DAGLA: variants seen among roughly 807,000 people sequenced by gnomAD.
The protein encoded by DAGLA is diacylglycerol lipase alpha, also known as diacylglycerol lipase-alpha.
A neutral mutation model predicts 102.6 loss-of-function variants in DAGLA; 22 were observed. The observed-to-expected ratio is 0.21, with a 90% CI of 0.15 to 0.31. DAGLA has a LOEUF of 0.31. Among genes scored for constraint, DAGLA ranks in the 10% least tolerant of loss-of-function variants. DAGLA has a pLI of 1.00. For missense variants in DAGLA, 927 were observed against 1,446.6 expected, an observed-to-expected ratio of 0.64 and a Z score of 5.83; for synonymous variants, 578 against 628.9, an observed-to-expected ratio of 0.92 and a Z score of 1.21.
intron 3 of DAGLA, among the ~76,000 whole-genome samples, chr11:61,721,395 A>G (rs769214629): frequency 1.3e-5 from 2 of 152,062 alleles, no homozygotes; most frequent in South Asian, 4.1e-4. Flanking sequence ...CTCCATCTCA[A>G]AAAAAAAGAA....
At chr11:61,717,552 T>C (rs1057200753) in intron 1 of DAGLA, among the ~76,000 whole-genome samples, 1 of 152,182 alleles carries the variant, frequency 6.6e-6, no homozygotes, top group African/African-American at 2.4e-5. Flanking sequence ...GTAGGGATAA[T>C]CGACATTTTA....
At chr11:61,738,393 CCT>C (rs1440793274) in intron 16 of DAGLA, among the ~76,000 whole-genome samples, 186 bp downstream of exon 16, 4 of 152,202 alleles carry the variant, frequency 2.6e-5, no homozygotes, top group Non-Finnish European at 4.4e-5. Flanking sequence ...CCATCCATCC[CCT>C]GTCATTGTGC....
At chr11:61,689,410 G>A (rs2065007937) in intron 1 of DAGLA, among the ~76,000 whole-genome samples, 2 of 152,122 alleles carry the variant, frequency 1.3e-5, no homozygotes, top group African/African-American at 4.8e-5. Context: ...CATAGCACAG[G>A]CCTTCAGACA....
At chr11:61,731,464 C>T (rs966559453) in intron 9 of DAGLA, 23 bp downstream of exon 9, 2 of 1,611,388 alleles carry the variant, frequency 1.2e-6, no homozygotes, top group African/African-American at 1.3e-5. Flanking sequence ...GTCCCATCCC[C>T]CAGCGATTGC....
chr11:61,688,838 G>A (rs1591023042), intron 1 of DAGLA, among the ~76,000 whole-genome samples: 1 of 152,216 alleles, frequency 6.6e-6, no homozygotes, highest in Admixed American at 6.5e-5. Context: ...AAGCGACGGG[G>A]CCACCAGCCT....
At chr11:61,699,334 C>T (rs2065091106) in intron 1 of DAGLA, among the ~76,000 whole-genome samples, 2 of 152,184 alleles carry the variant, frequency 1.3e-5, no homozygotes, top group African/African-American at 4.8e-5. Context: ...TGAGCATGCC[C>T]TGGGAGAGTG....
chr11:61,739,233 T>C (rs1462035164), intron 16 of DAGLA, among the ~76,000 whole-genome samples: 3 of 152,184 alleles, frequency 2.0e-5, no homozygotes, highest in Non-Finnish European at 4.4e-5. Context: ...AACAATTCCA[T>C]GTCATCTGTC....
intron 8 of DAGLA, among the ~76,000 whole-genome samples, chr11:61,730,065 GA>G (rs375050067): frequency 9.7e-4 from 135 of 139,230 alleles, no homozygotes; most frequent in African/African-American, 2.3e-3. Context: ...TTAAAAAGAA[GA>G]AAAAAAAAAA....
chr11:61,721,997 T>C (rs1313435477), intron 3 of DAGLA, among the ~76,000 whole-genome samples: 1 of 152,196 alleles, frequency 6.6e-6, no homozygotes, highest in Non-Finnish European at 1.5e-5. Flanking sequence ...CAGATCTCCT[T>C]CTCAGCCACC....
chr11:61,719,208 T>A (rs2065262011), intron 1 of DAGLA, among the ~76,000 whole-genome samples: 1 of 152,222 alleles, frequency 6.6e-6, no homozygotes. Context: ...TCCTGGGCAC[T>A]CTTTCCTGAG....
At chr11:61,732,169 G>A (rs1301835588) in intron 9 of DAGLA, among the ~76,000 whole-genome samples, 1 of 152,312 alleles carries the variant, frequency 6.6e-6, no homozygotes, top group East Asian at 1.9e-4. Context: ...GCAGAAGGAG[G>A]ACAGTTCCCT....
chr11:61,715,493 C>T lies in DAGLA; in HGVS notation c.-44-4619C>T, dbSNP rs548702213. On this transcript the variant is annotated intron_variant, in intron 1 of 19. Coordinates refer to ENST00000257215, the MANE Select transcript of DAGLA (RefSeq NM_006133.3). ...CATCCCCCTGGGAGCTCTTGGAGCC[C>T]CATCTGCTGGGAGTCTTGCTGCCAA... is the stretch of plus-strand genomic sequence containing the variant. 5.6e-4 allele frequency among the ~76,000 whole-genome samples: 86 copies of T among 152,310 alleles called. 2 individuals carry two copies. Among genetic ancestry groups the T allele is most frequent in the Admixed American group, 3.3e-4 (5 of 15,308 alleles).
chr11:61,741,265 A>G lies in DAGLA; in HGVS notation c.2087A>G (p.Gln696Arg), dbSNP rs750592316. 43 of 1,613,014 alleles carry G rather than the reference A, an allele frequency of 2.7e-5. No homozygotes were observed. Among genetic ancestry groups the G allele is most frequent in the South Asian group, 7.7e-5 (7 of 91,092 alleles). ...VDLTPELIFQ[Q>R]QPLPTGPPMP... Reference sequence around the variant, plus strand: ...CTGACTCCTGAGCTCATCTTCCAGCAGCAGCCACTCCCCACGGGGCCGCCC... The same window carrying G: ...CTGACTCCTGAGCTCATCTTCCAGCGGCAGCCACTCCCCACGGGGCCGCCC... Residue 696 changes from glutamine (Q) to arginine (R), a missense_variant, in exon 19 of 20, where the codon CAG becomes CGG. This residue lies in a region of DAGLA where 434 missense variants were observed against 503.3 expected (regional missense o/e 0.86). Coordinates refer to ENST00000257215, the MANE Select transcript of DAGLA (RefSeq NM_006133.3).
chr11:61,744,593 G>A lies in DAGLA; in HGVS notation c.*104G>A. ...CAGCTTTAAGGACAGACCCCCAGGG[G>A]CAGTTTAGCCTCAGGCACAGGCATC... On this transcript the variant is annotated 3_prime_UTR_variant, in exon 20 of 20. Transcript: ENST00000257215. The A allele has an allele frequency of 1.0e-6, 1 of 1,002,020 alleles. No homozygotes were observed. Among genetic ancestry groups the A allele is most frequent in the Non-Finnish European group, 1.4e-6 (1 of 690,136 alleles). 62.1% of individuals were successfully genotyped at this position (1,002,020 alleles called of 1,614,324 possible). A position where few individuals can be genotyped will look rare whatever the true frequency, so the allele number is the denominator to read the frequency against.
At position 61,684,571 on chromosome 11, in the gene DAGLA, G is replaced by A. The variant is rs1041171909; in HGVS notation, c.-45+4067G>A. ...TGAGGAAGGAGTCCAGGGAGATGCC[G>A]TGGAGGGGATTGGTGTGACCACGGG... On this transcript the variant is annotated intron_variant, in intron 1 of 19. Coordinates refer to ENST00000257215, the MANE Select transcript of DAGLA (RefSeq NM_006133.3). The surrounding 1 kb of genome is among the most constrained non-coding windows in gnomAD (Gnocchi z 4.5). Among the ~76,000 whole-genome samples, 3 of 152,122 alleles carry A rather than the reference G, an allele frequency of 2.0e-5. No individual in the cohort carries two copies. The highest frequency in any genetic ancestry group is 7.2e-5 in the African/African-American group (3 of 41,416).
At chr11:61,697,957 A>T (rs2065080053) in intron 1 of DAGLA, among the ~76,000 whole-genome samples, 2 of 152,168 alleles carry the variant, frequency 1.3e-5, no homozygotes, top group South Asian at 4.1e-4. Context: ...CCTGGGAGTC[A>T]TGGGGCAAAG....
At chr11:61,741,008 G>A (rs1181071400) in intron 18 of DAGLA, among the ~76,000 whole-genome samples, 154 bp from the exon 19 acceptor site, 1 of 152,190 alleles carries the variant, frequency 6.6e-6, no homozygotes, top group Non-Finnish European at 1.5e-5. Flanking sequence ...CTCAGGCCTT[G>A]GGGAGTGGTG....
intron 7 of DAGLA, 45 bp from the exon 8 acceptor site, chr11:61,728,886 G>A (rs753524078): frequency 3.5e-5 from 55 of 1,570,532 alleles, no homozygotes; most frequent in Middle Eastern, 1.7e-4. Flanking sequence ...CCATGCAGCC[G>A]GGCCTGGGCC....
intron 1 of DAGLA, among the ~76,000 whole-genome samples, chr11:61,706,046 A>G (rs1272346735): frequency 1.4e-4 from 21 of 152,206 alleles, no homozygotes; most frequent in Non-Finnish European, 2.9e-5. Flanking sequence ...GTGCTACCAA[A>G]TGGAAGAATG....
Sources: allele counts gnomAD v4.1 joint callset (sites outside exome capture counted in the v4.1 genomes callset), GRCh38; gene constraint gnomAD v4.1.1; regional missense constraint gnomAD v4.1.1; non-coding constraint Gnocchi (gnomAD v3.1); transcripts MANE v1.5; gene names NCBI Gene and HGNC (gene_info 2026-07-23, HGNC 2026-07-21).